PID1: variants seen among roughly 807,000 people sequenced by gnomAD.
PID1 encodes PTB-containing, cubilin and LRP1-interacting protein.
Under a neutral mutation model 19.1 loss-of-function variants are expected in PID1, and 10 were observed. The observed-to-expected ratio is 0.52, with a 90% CI of 0.32 to 0.89. The LOEUF is 0.89. PID1 is among the 40% of genes least tolerant of loss of function. The probability of loss-of-function intolerance (pLI) is 0.03; values close to 1 mark genes in which losing one functional copy is unlikely to be tolerated. For missense variants in PID1, 248 were observed against 285.3 expected, an observed-to-expected ratio of 0.87 and a Z score of 0.94; for synonymous variants, 130 against 116.0, an observed-to-expected ratio of 1.12 and a Z score of -0.78.
chr2:229,075,656 A>C (rs1257561172), intron 2 of PID1, among the ~76,000 whole-genome samples: 3 of 152,244 alleles, frequency 2.0e-5, no homozygotes, highest in Admixed American at 6.5e-5. Flanking sequence ...GGTCACAAAC[A>C]CAACAATCAC....
intron 2 of PID1, among the ~76,000 whole-genome samples, chr2:229,152,120 C>A (rs764672837): frequency 6.6e-6 from 1 of 152,162 alleles, no homozygotes; most frequent in African/African-American, 2.4e-5. Flanking sequence ...TCCCAGGGTA[C>A]GGGTCTGTTC....
At chr2:229,048,541 C>G (rs1338184398) in intron 2 of PID1, among the ~76,000 whole-genome samples, 1 of 151,964 alleles carries the variant, frequency 6.6e-6, no homozygotes, top group Non-Finnish European at 1.5e-5. Flanking sequence ...AAGGACCAGC[C>G]CAAAATTTGG....
At chr2:229,068,885 A>T (rs1023321778) in intron 2 of PID1, among the ~76,000 whole-genome samples, 1 of 152,144 alleles carries the variant, frequency 6.6e-6, no homozygotes, top group African/African-American at 2.4e-5. Flanking sequence ...CCCAGGACCA[A>T]TCACTGACCA....
intron 1 of PID1, among the ~76,000 whole-genome samples, chr2:229,199,732 A>T (rs889837003): frequency 1.2e-4 from 16 of 134,692 alleles, no homozygotes; most frequent in Non-Finnish European, 2.3e-4. Context: ...ATATATATAT[A>T]TATATATATA....
At chr2:229,135,346 G>A (rs1428900452) in intron 2 of PID1, among the ~76,000 whole-genome samples, 1 of 152,184 alleles carries the variant, frequency 6.6e-6, no homozygotes, top group Non-Finnish European at 1.5e-5. Flanking sequence ...TAAAAGTAAA[G>A]TGAGAAACCT....
chr2:229,056,258 T>C (rs1439131431), intron 2 of PID1, among the ~76,000 whole-genome samples: 1 of 152,152 alleles, frequency 6.6e-6, no homozygotes. Context: ...TAATGACTCA[T>C]GCCCCAATTA....
intron 2 of PID1, among the ~76,000 whole-genome samples, chr2:229,098,593 G>T (rs974043861): frequency 3.9e-5 from 6 of 152,180 alleles, no homozygotes; most frequent in South Asian, 2.1e-4. Context: ...GGCTGGGGGG[G>T]AAGAAATTAG....
intron 1 of PID1, among the ~76,000 whole-genome samples, chr2:229,211,294 T>A (rs1261859115): frequency 2.0e-5 from 3 of 152,106 alleles, no homozygotes; most frequent in East Asian, 3.9e-4. Context: ...TCCCACATGA[T>A]CTAATATGCC....
chr2:229,073,349 G>A (rs146702157), intron 2 of PID1, among the ~76,000 whole-genome samples: 459 of 152,278 alleles, frequency 3.0e-3, no homozygotes, highest in Non-Finnish European at 5.3e-3. Context: ...TTAAGCTAGG[G>A]TTTGACCAAC....
chr2:229,162,041 G>T (rs187874462), intron 1 of PID1, among the ~76,000 whole-genome samples: 1 of 152,190 alleles, frequency 6.6e-6, no homozygotes, highest in African/African-American at 2.4e-5. Flanking sequence ...GCTACTGCTC[G>T]CAAACCAAAG....
intron 1 of PID1, among the ~76,000 whole-genome samples, chr2:229,215,714 T>C (rs1336274493): frequency 2.0e-5 from 3 of 152,202 alleles, no homozygotes; most frequent in Admixed American, 1.3e-4. Flanking sequence ...TGTTTTATCA[T>C]AAGTTCAAAT....
intron 2 of PID1, among the ~76,000 whole-genome samples, chr2:229,136,512 A>G (rs62190380): frequency 0.069 from 10,503 of 152,286 alleles, 534 homozygotes; most frequent in South Asian, 0.22. Flanking sequence ...GACAAAGATA[A>G]TTGTTTTAAA....
intron 2 of PID1, among the ~76,000 whole-genome samples, chr2:229,038,214 C>T (rs951026851): frequency 3.9e-5 from 6 of 152,140 alleles, no homozygotes; most frequent in African/African-American, 1.4e-4. Flanking sequence ...GAAATGAATA[C>T]ATATTTAAAT....
intron 2 of PID1, among the ~76,000 whole-genome samples, chr2:229,139,049 GAA>G (rs1257686723): frequency 1.3e-3 from 88 of 65,702 alleles, no homozygotes; most frequent in Admixed American, 2.6e-3. Flanking sequence ...GAGAAAGAAA[GAA>G]AGAAAGAGAA....
chr2:229,184,962 CATATATATACT>C (rs1240980222), intron 1 of PID1, among the ~76,000 whole-genome samples: 5 of 88,668 alleles, frequency 5.6e-5, no homozygotes, highest in South Asian at 3.3e-4. Context: ...TATAAAATCC[CATATATATACT>C]ATATATATAC....
chr2:229,207,892 G>T (rs1245132365), intron 1 of PID1, among the ~76,000 whole-genome samples: 2 of 152,004 alleles, frequency 1.3e-5, no homozygotes, highest in Non-Finnish European at 2.9e-5. Context: ...ATGGAAAAAG[G>T]CTAACACTGT....
chr2:229,103,123 A>C (rs541650974), intron 2 of PID1, among the ~76,000 whole-genome samples: 1 of 152,120 alleles, frequency 6.6e-6, no homozygotes, highest in South Asian at 2.1e-4. Flanking sequence ...AGATGGCCAT[A>C]TTTCTATTTT....
intron 1 of PID1, among the ~76,000 whole-genome samples, chr2:229,208,325 A>C (rs1170571928): frequency 6.6e-6 from 1 of 152,158 alleles, no homozygotes; most frequent in Non-Finnish European, 1.5e-5. Context: ...TTTTTCTTAG[A>C]TCACCACTTT....
intron 2 of PID1, among the ~76,000 whole-genome samples, chr2:229,059,050 TAAAAC>T (rs944002802): frequency 8.5e-5 from 13 of 152,074 alleles, no homozygotes; most frequent in Admixed American, 3.3e-4. Context: ...GAACACAAAA[TAAAAC>T]AAACAAAATG....
Sources: gnomAD v4.1 joint callset for allele counts (sites outside exome capture counted in the v4.1 genomes callset) on GRCh38, gnomAD v4.1.1 for gene constraint, MANE v1.5 for transcripts, NCBI Gene and HGNC (gene_info 2026-07-23, HGNC 2026-07-21) for gene names.